The following FRMPD4 variants were observed in gnomAD, a reference collection of about 807,000 sequenced individuals.
The protein encoded by FRMPD4 is FERM and PDZ domain containing 4.
In FRMPD4, 22 loss-of-function variants were observed where a neutral mutation model predicts 94.1. The observed-to-expected ratio is 0.23, with a 90% CI of 0.17 to 0.33. FRMPD4 has a LOEUF of 0.33. Among genes scored for constraint, FRMPD4 ranks in the 10% least tolerant of loss-of-function variants. FRMPD4 has a pLI of 1.00. For synonymous variants in FRMPD4, 631 were observed against 548.6 expected, an observed-to-expected ratio of 1.15 and a Z score of -2.10; for missense variants, 1,111 against 1,339.9, an observed-to-expected ratio of 0.83 and a Z score of 2.67.
intron 1 of FRMPD4, among the ~76,000 whole-genome samples, chrX:12,332,807 A>G (rs992184801): frequency 8.9e-6 from 1 of 112,237 alleles, no homozygotes; most frequent in Non-Finnish European, 1.9e-5. Context: ...TAACCCCTCT[A>G]TATTGTTTAT....
chrX:12,321,976 G>T (rs2097423198), intron 1 of FRMPD4, among the ~76,000 whole-genome samples: 1 of 111,967 alleles, frequency 8.9e-6, no homozygotes, highest in African/African-American at 3.2e-5. Context: ...TGATGTGGAA[G>T]GGGGCCTGGG....
chrX:12,438,038 C>T (rs1260756098), intron 1 of FRMPD4, among the ~76,000 whole-genome samples: 1 of 111,581 alleles, frequency 9.0e-6, no homozygotes, highest in Non-Finnish European at 1.9e-5. Context: ...CATACTGCTT[C>T]TGGCCTTTAG....
intron 4 of FRMPD4, among the ~76,000 whole-genome samples, chrX:12,618,181 T>C (rs969910156): frequency 3.6e-5 from 4 of 111,875 alleles, no homozygotes; most frequent in African/African-American, 1.3e-4. Context: ...TTAGACTAAT[T>C]AACTGAAAGC....
intron 1 of FRMPD4, among the ~76,000 whole-genome samples, chrX:12,177,255 G>A (rs2056306645): frequency 8.9e-6 from 1 of 112,362 alleles, no homozygotes. Flanking sequence ...CACTGAAGCA[G>A]GGTGGTAGCC....
intron 1 of FRMPD4, among the ~76,000 whole-genome samples, chrX:12,314,819 C>CTAA (rs1230283414): frequency 9.0e-6 from 1 of 111,429 alleles, no homozygotes; most frequent in Admixed American, 9.5e-5. Context: ...AGTGACACAG[C>CTAA]TAACACTGTG....
At chrX:12,198,925 A>G (rs1352086372) in intron 1 of FRMPD4, among the ~76,000 whole-genome samples, 1 of 112,508 alleles carries the variant, frequency 8.9e-6, no homozygotes, top group African/African-American at 3.2e-5. Flanking sequence ...TAAATGTAAG[A>G]TACAACATTT....
At chrX:12,208,995 A>C (rs1211212471) in intron 1 of FRMPD4, among the ~76,000 whole-genome samples, 1 of 111,754 alleles carries the variant, frequency 8.9e-6, no homozygotes, top group Non-Finnish European at 1.9e-5. Context: ...AAGGTGATTA[A>C]TTTGTTTATT....
At chrX:11,887,801 T>C (rs1205485959) in intron 3 of FRMPD4, among the ~76,000 whole-genome samples, 1 of 112,096 alleles carries the variant, frequency 8.9e-6, no homozygotes, top group Non-Finnish European at 1.9e-5. Context: ...GGAACTTTCA[T>C]TTAAAATGGG....
Position 12,380,101 on chromosome X carries a change from A to AT in FRMPD4, c.42-118578dup, listed in dbSNP as rs776570097. ...TTGGTAGGAAAAATGATTTTGTTTG[A>AT]TGACACATTCTTCAATTGTTCTGAG... On this transcript the variant is annotated intron_variant, in intron 1 of 16. Transcript: ENST00000675598. 5.4e-5 allele frequency among the ~76,000 whole-genome samples: 6 copies of AT among 111,900 alleles called. No individual in the cohort carries two copies. In the South Asian group the frequency reaches 2.3e-3, roughly 42 times the overall value.
intron 2 of FRMPD4, among the ~76,000 whole-genome samples, chrX:12,538,512 C>A (rs111578098): frequency 9.0e-6 from 1 of 111,617 alleles, no homozygotes; most frequent in African/African-American, 3.3e-5. Context: ...GATCTGAGAA[C>A]GGACAGACTG....
intron 1 of FRMPD4, among the ~76,000 whole-genome samples, chrX:11,860,681 A>C (rs1263683684): frequency 1.8e-5 from 2 of 112,306 alleles, no homozygotes; most frequent in African/African-American, 3.2e-5. Context: ...CCTGGGAAAC[A>C]TCTAATGAGG....
At chrX:11,994,072 G>C (rs1345972873) in intron 3 of FRMPD4, among the ~76,000 whole-genome samples, 4 of 110,631 alleles carry the variant, frequency 3.6e-5, no homozygotes, top group Non-Finnish European at 7.6e-5. Flanking sequence ...GAGTGATTTT[G>C]CCCCCCCAGA....
At chrX:12,628,386 T>C (rs1369048569) in intron 4 of FRMPD4, among the ~76,000 whole-genome samples, 1 of 111,452 alleles carries the variant, frequency 9.0e-6, no homozygotes, top group African/African-American at 3.3e-5. Context: ...ACCCATTTGG[T>C]CTGTCTTTGA....
intron 1 of FRMPD4, among the ~76,000 whole-genome samples, chrX:12,397,085 T>C (rs931011545): frequency 1.8e-4 from 20 of 110,434 alleles, no homozygotes; most frequent in Non-Finnish European, 2.8e-4. Flanking sequence ...TCTGAACCCC[T>C]TGGTTTTGAG....
intron 3 of FRMPD4, among the ~76,000 whole-genome samples, chrX:12,046,197 T>C (rs1309243126): frequency 9.0e-6 from 1 of 110,959 alleles, no homozygotes; most frequent in Non-Finnish European, 1.9e-5. Context: ...GACCAAGAAA[T>C]AAGTCTCAGC....
At chrX:12,591,709 G>C (rs180695850) in intron 2 of FRMPD4, among the ~76,000 whole-genome samples, 1 of 111,527 alleles carries the variant, frequency 9.0e-6, no homozygotes, top group Non-Finnish European at 1.9e-5. Flanking sequence ...TCTAAATAAC[G>C]TGCTTAATTT....
intron 1 of FRMPD4, among the ~76,000 whole-genome samples, chrX:12,152,416 A>G (rs1242409228): frequency 9.0e-6 from 1 of 111,432 alleles, no homozygotes; most frequent in African/African-American, 3.3e-5. Flanking sequence ...ATATGCTTAT[A>G]TTTACATAAA....
At chrX:12,654,030 C>G (rs1043456059) in intron 4 of FRMPD4, among the ~76,000 whole-genome samples, 5 of 112,187 alleles carry the variant, frequency 4.5e-5, no homozygotes, top group African/African-American at 1.6e-4. Flanking sequence ...CTCGGCCTCC[C>G]AAAGTGCTGG....
chrX:12,407,061 T>C (rs754237210), intron 1 of FRMPD4, among the ~76,000 whole-genome samples: 1 of 110,617 alleles, frequency 9.0e-6, no homozygotes, highest in East Asian at 2.9e-4. Context: ...GATCATCACA[T>C]CTCCTTCTCT....
Sources: gnomAD v4.1 joint callset for allele counts (sites outside exome capture counted in the v4.1 genomes callset) on GRCh38, gnomAD v4.1.1 for gene constraint, MANE v1.5 for transcripts, NCBI Gene and HGNC (gene_info 2026-07-23, HGNC 2026-07-21) for gene names.